NBAS: variants seen among roughly 807,000 people sequenced by gnomAD.
The protein encoded by NBAS is NAG/BC035112 fusion.
Under a neutral mutation model 302.5 loss-of-function variants are expected in NBAS, and 219 were observed. The observed-to-expected ratio is 0.72, with a 90% CI of 0.65 to 0.81. NBAS has a LOEUF of 0.81. Ranked by LOEUF, NBAS falls within the 30% of genes least tolerant of loss-of-function variation. The pLI is 0.00. For synonymous variants in NBAS, 1,118 were observed against 1,021.6 expected (o/e 1.09, Z -1.80); for missense variants, 2,932 against 2,841.6 (o/e 1.03, Z -0.72).
At chr2:14,979,233 AAAG>A in the NBAS span, among the ~76,000 whole-genome samples, 1 of 152,232 alleles carries the variant, frequency 6.6e-6, no homozygotes, top group African/African-American at 2.4e-5. Context: ...TATGAGAAGC[AAAG>A]AAGATTTATA....
At chr2:15,319,493 A>G (rs997899775) in intron 38 of NBAS, among the ~76,000 whole-genome samples, 1 of 152,214 alleles carries the variant, frequency 6.6e-6, no homozygotes, top group Non-Finnish European at 1.5e-5. Flanking sequence ...AAATTGATAA[A>G]CCACTAGCAA....
chr2:15,540,592 C>T (rs1663762412), intron 6 of NBAS, among the ~76,000 whole-genome samples: 1 of 152,118 alleles, frequency 6.6e-6, no homozygotes, highest in African/African-American at 2.4e-5. Context: ...ATATGAAAGG[C>T]CCTTCCCAAA....
the NBAS span, among the ~76,000 whole-genome samples, chr2:14,926,262 G>C: frequency 1.3e-5 from 2 of 152,116 alleles, no homozygotes; most frequent in Admixed American, 1.3e-4. Flanking sequence ...AGCTAGAGAG[G>C]CCTGTGCCTA....
At chr2:15,023,309 T>A in the NBAS span, among the ~76,000 whole-genome samples, 197 of 152,220 alleles carry the variant, frequency 1.3e-3, 1 homozygote, top group Admixed American at 7.9e-3. Context: ...TGTATTCAAT[T>A]ATTGATAGGT....
intron 9 of NBAS, among the ~76,000 whole-genome samples, chr2:15,520,035 T>C (rs1374099261): frequency 1.3e-5 from 2 of 152,226 alleles, no homozygotes; most frequent in East Asian, 3.8e-4. Flanking sequence ...ATTTGATAAC[T>C]GGGCATCATA....
chr2:15,242,207 T>C (rs4668441), intron 44 of NBAS, among the ~76,000 whole-genome samples: 33,979 of 152,182 alleles, frequency 0.22, 4,320 homozygotes, highest in East Asian at 0.43. Flanking sequence ...GAGACAGGTG[T>C]AACTTTTTCA....
chr2:14,945,237 G>A, the NBAS span, among the ~76,000 whole-genome samples: 1 of 152,258 alleles, frequency 6.6e-6, no homozygotes, highest in African/African-American at 2.4e-5. Flanking sequence ...AGCCGAACCC[G>A]GACTTATGGT....
chr2:15,369,324 A>C (rs1401762646), intron 31 of NBAS, among the ~76,000 whole-genome samples: 1 of 152,166 alleles, frequency 6.6e-6, no homozygotes, highest in Non-Finnish European at 1.5e-5. Flanking sequence ...AAGGTAGAGA[A>C]CTGAAACCAC....
chr2:15,061,001 A>C, the NBAS span, among the ~76,000 whole-genome samples: 1 of 152,232 alleles, frequency 6.6e-6, no homozygotes, highest in Non-Finnish European at 1.5e-5. Context: ...GTGTAAAAAA[A>C]ATTACAATGT....
the NBAS span, among the ~76,000 whole-genome samples, chr2:15,054,702 A>G: frequency 6.6e-6 from 1 of 152,204 alleles, no homozygotes; most frequent in African/African-American, 2.4e-5. Context: ...AAGAACCTCC[A>G]GATCGGGCCA....
At chr2:15,225,930 C>T (rs1269546240) in intron 47 of NBAS, among the ~76,000 whole-genome samples, 6 of 152,086 alleles carry the variant, frequency 3.9e-5, no homozygotes, top group Admixed American at 2.0e-4. Context: ...CAAGGTAAGA[C>T]CTTGCTACTC....
At chr2:15,007,538 G>A in the NBAS span, among the ~76,000 whole-genome samples, 2 of 151,850 alleles carry the variant, frequency 1.3e-5, no homozygotes, top group Admixed American at 6.6e-5. Context: ...TTTTCTTTGC[G>A]AACTACATAT....
chr2:14,927,435 TATA>T, the NBAS span, among the ~76,000 whole-genome samples: 1 of 152,208 alleles, frequency 6.6e-6, no homozygotes, highest in Non-Finnish European at 1.5e-5. Context: ...ATGGTATGTA[TATA>T]ACACATTTTC....
intron 48 of NBAS, among the ~76,000 whole-genome samples, chr2:15,196,784 T>C (rs1194961549): frequency 6.6e-6 from 1 of 152,222 alleles, no homozygotes; most frequent in Admixed American, 6.5e-5. Flanking sequence ...TTTGGTACTT[T>C]TCTTGGTTTA....
At chr2:15,095,724 T>C in the NBAS span, among the ~76,000 whole-genome samples, 1 of 152,148 alleles carries the variant, frequency 6.6e-6, no homozygotes, top group African/African-American at 2.4e-5. Flanking sequence ...TACTCCCACA[T>C]TAAACATGTC....
At chr2:14,791,094 A>C in the NBAS span, among the ~76,000 whole-genome samples, 3 of 152,050 alleles carry the variant, frequency 2.0e-5, no homozygotes, top group Non-Finnish European at 4.4e-5. Flanking sequence ...ACCTTAGGTG[A>C]TCCACCCGCC....
intron 10 of NBAS, among the ~76,000 whole-genome samples, chr2:15,508,013 G>A (rs536454761): frequency 1.6e-4 from 24 of 152,108 alleles, no homozygotes; most frequent in African/African-American, 4.1e-4. Context: ...GAGGAGGTTC[G>A]ATGAGAACAA....
At chr2:15,165,071 T>C (rs1192403739), downstream of NBAS, among the ~76,000 whole-genome samples, 3 of 152,240 alleles carry the variant, frequency 2.0e-5, no homozygotes, top group Non-Finnish European at 2.9e-5. Flanking sequence ...AAATGACTTC[T>C]GAGATCTGCA....
At chr2:15,360,419 C>T (rs578005474) in intron 32 of NBAS, among the ~76,000 whole-genome samples, 10 of 151,598 alleles carry the variant, frequency 6.6e-5, no homozygotes, top group Non-Finnish European at 1.3e-4. Context: ...ACATAACTCA[C>T]TGTAACCTCG....
Sources: allele counts gnomAD v4.1 joint callset (sites outside exome capture counted in the v4.1 genomes callset), GRCh38; gene constraint gnomAD v4.1.1; transcripts MANE v1.5; gene names NCBI Gene and HGNC (gene_info 2026-07-23, HGNC 2026-07-21).